SCGN: variants seen among roughly 807,000 people sequenced by gnomAD.
SCGN encodes secretagogin.
In SCGN, 30 loss-of-function variants were observed where a neutral mutation model predicts 39.7. The observed-to-expected ratio is 0.76, with a 90% CI of 0.57 to 1.03. The LOEUF (loss-of-function observed/expected upper bound fraction) is 1.03, where lower values mean the gene tolerates loss of function less well. Among genes scored for constraint, SCGN ranks in the 50% least tolerant of loss-of-function variants. The pLI is 0.00. For synonymous variants in SCGN, 106 were observed against 114.1 expected, an observed-to-expected ratio of 0.93 and a Z score of 0.45; for missense variants, 353 against 349.4, an observed-to-expected ratio of 1.01 and a Z score of -0.08.
rs540167506 is a variant in SCGN at position 25,701,745 on chromosome 6, T to TG, written c.*410_*411insG. ...TCCTGTAACTTCAACATAGATTTTT[T>TG]TGTGTGTGTGGAAATAAATCTGCAA... On this transcript the variant is annotated 3_prime_UTR_variant, in exon 11 of 11. Transcript: ENST00000377961. The TG allele has an allele frequency of 0.013, 1,933 of 154,466 alleles. 25 individuals carry two copies. The highest frequency in any genetic ancestry group is 0.015 in the Non-Finnish European group (1,037 of 69,982). 9.6% of individuals were successfully genotyped at this position (154,466 alleles called of 1,614,324 possible).
intron 10 of SCGN, among the ~76,000 whole-genome samples, chr6:25,691,596 G>A (rs150314881): frequency 5.3e-5 from 8 of 152,104 alleles, no homozygotes; most frequent in African/African-American, 1.4e-4. Context: ...AGGTTGGGGC[G>A]GATGAAATTT....
At position 25,653,870 on chromosome 6, in the gene SCGN, A is replaced by G. The variant is rs1347757892; in HGVS notation, c.153+418A>G. On this transcript the variant is annotated intron_variant, in intron 2 of 10. Transcript: ENST00000377961. ...GATACTCCTCTGATAGCAAACCACAAACCATTTAAAATCATTTATCCATTA... is the reference window on the plus strand; with the variant it reads ...GATACTCCTCTGATAGCAAACCACAGACCATTTAAAATCATTTATCCATTA... Among the ~76,000 whole-genome samples the G allele has an allele frequency of 2.0e-5, 3 of 152,242 alleles. No individual in the cohort carries two copies. The East Asian group carries it at 5.8e-4, about 29-fold the overall frequency.
At chr6:25,662,610 G>C (rs1024656569) in intron 3 of SCGN, among the ~76,000 whole-genome samples, 14 of 152,184 alleles carry the variant, frequency 9.2e-5, no homozygotes, top group Admixed American at 9.2e-4. Context: ...ATTTCTTCAG[G>C]AAGTTATGTT....
At chr6:25,667,210 T>C (rs1272325650) in intron 4 of SCGN, among the ~76,000 whole-genome samples, 2 of 152,160 alleles carry the variant, frequency 1.3e-5, no homozygotes, top group East Asian at 3.8e-4. Context: ...AGTGTAGTCT[T>C]GAAAGACCTT....
intron 10 of SCGN, among the ~76,000 whole-genome samples, chr6:25,693,324 C>T (rs1484083099): frequency 2.0e-5 from 3 of 151,438 alleles, no homozygotes; most frequent in African/African-American, 7.3e-5. Flanking sequence ...TGGTGGTGGG[C>T]GCCTGTAGTC....
chr6:25,670,203 C>A, intron 6 of SCGN, 127 bp downstream of exon 6: 1 of 720,952 alleles, frequency 1.4e-6, no homozygotes, highest in Non-Finnish European at 2.5e-6. Context: ...AAGAGGAAAC[C>A]TCAACTCTGA....
At chr6:25,655,056 G>A (rs1455882816) in intron 2 of SCGN, among the ~76,000 whole-genome samples, 1 of 152,156 alleles carries the variant, frequency 6.6e-6, no homozygotes, top group Non-Finnish European at 1.5e-5. Context: ...TTGCCCACAG[G>A]GCTTCTACTT....
intron 7 of SCGN, among the ~76,000 whole-genome samples, chr6:25,686,071 C>CT (rs1759702139): frequency 6.6e-6 from 1 of 152,236 alleles, no homozygotes; most frequent in African/African-American, 2.4e-5. Context: ...AACTTTATCC[C>CT]TTTTTATGGC....
At chr6:25,677,476 T>C (rs575597672) in intron 6 of SCGN, among the ~76,000 whole-genome samples, 15 of 152,308 alleles carry the variant, frequency 9.8e-5, no homozygotes, top group African/African-American at 3.4e-4. Flanking sequence ...AAATCTTTTT[T>C]GGAATAGCAT....
chr6:25,674,301 C>T lies in SCGN; in HGVS notation c.471+4225C>T, dbSNP rs770874736. ...GTTTGATCAGAAGACAAAATGAGTT[C>T]AATGAAATTTTGACCAATCTATTTC... On this transcript the variant is annotated intron_variant, in intron 6 of 10. Coordinates refer to ENST00000377961, the MANE Select transcript of SCGN (RefSeq NM_006998.4). Among the ~76,000 whole-genome samples the T allele has an allele frequency of 5.5e-4, 84 of 152,158 alleles. 1 individual carries two copies. The highest frequency in any genetic ancestry group is 6.3e-4 in the Non-Finnish European group (43 of 68,022).
chr6:25,664,276 A>G (rs750956971), intron 3 of SCGN, among the ~76,000 whole-genome samples: 3 of 152,258 alleles, frequency 2.0e-5, no homozygotes, highest in Non-Finnish European at 4.4e-5. Context: ...GTATCAAGCC[A>G]GGCAGCAGTC....
intron 4 of SCGN, among the ~76,000 whole-genome samples, chr6:25,668,295 C>T (rs1174402695): frequency 6.6e-6 from 1 of 151,852 alleles, no homozygotes; most frequent in Non-Finnish European, 1.5e-5. Context: ...GAGGCTTGTC[C>T]ATGGAATAAT....
At chr6:25,662,523 C>T (rs1354236565) in intron 3 of SCGN, among the ~76,000 whole-genome samples, 9 of 152,118 alleles carry the variant, frequency 5.9e-5, no homozygotes, top group African/African-American at 2.4e-5. Context: ...TTACCTAACA[C>T]TGGGAGAGCT....
intron 2 of SCGN, among the ~76,000 whole-genome samples, chr6:25,656,806 GA>G (rs780367069): frequency 2.0e-5 from 3 of 152,172 alleles, no homozygotes; most frequent in Non-Finnish European, 4.4e-5. Context: ...AGGTAATGTA[GA>G]ATCTGGCCAC....
chr6:25,681,899 T>G, intron 6 of SCGN, 52 bp from the exon 7 acceptor site: 1 of 1,472,308 alleles, frequency 6.8e-7, no homozygotes, highest in East Asian at 2.3e-5. Context: ...TTTAATAACG[T>G]TCAGAATTAG....
chr6:25,684,254 G>T (rs1759674858), intron 7 of SCGN, among the ~76,000 whole-genome samples: 1 of 152,110 alleles, frequency 6.6e-6, no homozygotes, highest in African/African-American at 2.4e-5. Context: ...GTTGTGAATT[G>T]ATGGAGTTAC....
intron 9 of SCGN, 136 bp downstream of exon 9, chr6:25,689,668 G>A (rs1759751832): frequency 1.4e-6 from 1 of 706,642 alleles, no homozygotes; most frequent in Non-Finnish European, 2.5e-6. Context: ...TCTAGGTCAA[G>A]GTACTCTCAA....
At chr6:25,697,073 C>A (rs1759848204) in intron 10 of SCGN, among the ~76,000 whole-genome samples, 1 of 152,202 alleles carries the variant, frequency 6.6e-6, no homozygotes, top group African/African-American at 2.4e-5. Context: ...GGGTACACCA[C>A]TCTCTAGGAG....
intron 10 of SCGN, 86 bp from the exon 11 acceptor site, chr6:25,701,121 C>T: frequency 1.4e-6 from 2 of 1,467,516 alleles, no homozygotes; most frequent in East Asian, 2.5e-5. Context: ...GCAGGACACC[C>T]TAAGCTTAGG....
Sources: gnomAD v4.1 joint callset for allele counts (sites outside exome capture counted in the v4.1 genomes callset) on GRCh38, gnomAD v4.1.1 for gene constraint, MANE v1.5 for transcripts, NCBI Gene and HGNC (gene_info 2026-07-23, HGNC 2026-07-21) for gene names.